The following ZNF684 variants were observed in gnomAD, a reference collection of about 807,000 sequenced individuals.
The protein encoded by ZNF684 is zinc finger protein 684.
In ZNF684, 13 loss-of-function variants were observed where a neutral mutation model predicts 12.8. The observed-to-expected ratio is 1.02, with a 90% CI of 0.66 to 1.62. The LOEUF is 1.62. ZNF684 is among the 40% of genes most tolerant of loss of function. ZNF684 has a pLI of 0.00. For missense variants in ZNF684, 384 were observed against 446.9 expected, an observed-to-expected ratio of 0.86 and a Z score of 1.27; for synonymous variants, 118 against 151.8, an observed-to-expected ratio of 0.78 and a Z score of 1.64.
intron 4 of ZNF684, among the ~76,000 whole-genome samples, chr1:40,543,549 C>T (rs558220989): frequency 3.0e-4 from 45 of 151,810 alleles, no homozygotes; most frequent in Non-Finnish European, 4.3e-4. Context: ...CTCCGCCTCC[C>T]GGGTTCACGC....
At chr1:40,540,050 C>T (rs1489252681) in intron 2 of ZNF684, among the ~76,000 whole-genome samples, 2 of 152,108 alleles carry the variant, frequency 1.3e-5, no homozygotes, top group African/African-American at 2.4e-5. Flanking sequence ...TTCTCCCATT[C>T]TGTGGATTTT....
At chr1:40,539,937 T>G (rs1646005594) in intron 2 of ZNF684, among the ~76,000 whole-genome samples, 1 of 151,686 alleles carries the variant, frequency 6.6e-6, no homozygotes, top group African/African-American at 2.4e-5. Context: ...TGTTGTCTGT[T>G]TATTGTTGAT....
chr1:40,544,704 C>T (rs1290367763), intron 4 of ZNF684: 1 of 154,642 alleles, frequency 6.5e-6, no homozygotes, highest in Admixed American at 6.5e-5. Context: ...TTCTTCAATG[C>T]ACATTAACAT....
intron 2 of ZNF684, among the ~76,000 whole-genome samples, chr1:40,535,874 A>G (rs1238638767): frequency 6.6e-6 from 1 of 152,188 alleles, no homozygotes; most frequent in African/African-American, 2.4e-5. Context: ...CTCTGTGGCA[A>G]CTACTCAACT....
At chr1:40,539,574 G>A (rs941700876) in intron 2 of ZNF684, among the ~76,000 whole-genome samples, 1 of 152,166 alleles carries the variant, frequency 6.6e-6, no homozygotes, top group Non-Finnish European at 1.5e-5. Flanking sequence ...CAGGAGTTGA[G>A]TAACGTACAA....
rs1388025584 is a variant in ZNF684, at chr1:40,540,568, A to G, written c.16-18A>G. ...TAGTGATACACACTTTAGTTTGAAG[A>G]TAAATGTGCTGTTACAGGAATCAGT... On this transcript the variant is annotated intron_variant, in intron 2 of 4. Transcript: ENST00000372699. 6.3e-7 allele frequency: 1 copy of G among 1,576,364 alleles called. No homozygotes were observed. The highest frequency in any genetic ancestry group is 8.6e-7 in the Non-Finnish European group (1 of 1,161,544).
intron 4 of ZNF684, among the ~76,000 whole-genome samples, chr1:40,543,420 G>A (rs1411621057): frequency 6.7e-6 from 1 of 149,432 alleles, no homozygotes; most frequent in Non-Finnish European, 1.5e-5. Flanking sequence ...TTTATTCCAT[G>A]GAAATTGGCC....
chr1:40,541,785 A>G, intron 4 of ZNF684, 75 bp downstream of exon 4: 1 of 1,242,696 alleles, frequency 8.0e-7, no homozygotes, highest in Admixed American at 2.0e-5. Context: ...GGAAGTTCTG[A>G]AATACTCTTA....
chr1:40,543,606 A>G (rs1024500669), intron 4 of ZNF684, among the ~76,000 whole-genome samples: 4 of 151,754 alleles, frequency 2.6e-5, no homozygotes, highest in Non-Finnish European at 4.4e-5. Flanking sequence ...ACAGGTGCCC[A>G]CCACCACACC....
In ZNF684 at chr1:40,540,621, C is replaced by T. The variant is rs1468861974; in HGVS notation, c.51C>T (p.Phe17=). 6.2e-7 allele frequency: 1 copy of T among 1,611,348 alleles called. No individual in the cohort carries two copies. Among genetic ancestry groups the T allele is most frequent in the African/African-American group, 1.3e-5 (1 of 74,724 alleles). Residue 17 remains phenylalanine (F), a synonymous_variant, in exon 3 of 5, where the codon TTC becomes TTT. Transcript: ENST00000372699. The stretch of plus-strand genomic sequence containing the variant: ...CATTCCAGGATGTGGCTGTGGATTT[C>T]ACTGCAGAGGAGTGGCAGCTGCTTG... ...SVTFQDVAVD[F]TAEEWQLLDC...
Position 40,546,556 on chromosome 1 carries a change from T to C in ZNF684, c.239-6T>C, listed in dbSNP as rs1646049642. 1.3e-6 allele frequency: 2 copies of C among 1,531,818 alleles called. No individual in the cohort carries two copies. Among genetic ancestry groups the C allele is most frequent in the East Asian group, 4.6e-5 (2 of 43,936 alleles). 94.9% of individuals were successfully genotyped at this position (1,531,818 alleles called of 1,614,324 possible). On this transcript the variant is annotated splice_polypyrimidine_tract_variant and splice_region_variant and intron_variant, in intron 4 of 4. Transcript: ENST00000372699. ...ACTAGGAATGTTTTGTTGTACTCCTTTTTAGAATCTGACTACCCACTTGTT... is the reference window on the plus strand; with the variant it reads ...ACTAGGAATGTTTTGTTGTACTCCTCTTTAGAATCTGACTACCCACTTGTT...
intron 3 of ZNF684, chr1:40,541,383 CTG>C: frequency 3.2e-6 from 1 of 308,064 alleles, no homozygotes; most frequent in Non-Finnish European, 6.5e-6. Flanking sequence ...CAGGGTCTCA[CTG>C]TGTTAGCCAG....
chr1:40,544,743 ATGAC>A (rs1646034824), intron 4 of ZNF684: 1 of 153,384 alleles, frequency 6.5e-6, no homozygotes, highest in Non-Finnish European at 1.5e-5. Flanking sequence ...AACTGTCAAA[ATGAC>A]AGACAGCAGC....
rs1570104047 is a variant in ZNF684, at chr1:40,533,311, G to GT, written c.15+131dup. 4.5e-5 allele frequency: 42 copies of GT among 938,302 alleles called. No individual in the cohort carries two copies. In the East Asian group the frequency reaches 1.1e-3, roughly 24 times the overall value. The allele number at this position is 938,302 out of a possible 1,614,324, so 58.1% of individuals were successfully genotyped here. On this transcript the variant is annotated intron_variant, in intron 2 of 4. Coordinates refer to ENST00000372699, the MANE Select transcript of ZNF684 (RefSeq NM_152373.4). ...GTCTAAAAGGAAATTTAGAAGATTG[G>GT]TAAGTTGATATTCAAGTCATAGGGT...
intron 4 of ZNF684, among the ~76,000 whole-genome samples, chr1:40,543,797 G>C (rs1410933060): frequency 6.6e-6 from 1 of 152,046 alleles, no homozygotes; most frequent in Non-Finnish European, 1.5e-5. Context: ...TCTGATTCTG[G>C]TCTGTTCCTA....
At position 40,533,100 on chromosome 1, in the gene ZNF684, A is replaced by ATC. The variant is rs1570103848; in HGVS notation, c.-24-40_-24-39dup. 12 of 1,544,712 alleles carry ATC rather than the reference A, an allele frequency of 7.8e-6. No homozygotes were observed. The East Asian group carries it at 2.7e-4, about 35-fold the overall frequency. On this transcript the variant is annotated intron_variant, in intron 1 of 4. Transcript: ENST00000372699. ...GTTCTACTTTGCATGCAGTCCTGGT[A>ATC]TCTCAGGTCTTTCTATTCTCTTCCC...
chr1:40,541,875 C>T (rs992318068), intron 4 of ZNF684, among the ~76,000 whole-genome samples, 165 bp downstream of exon 4: 8 of 152,186 alleles, frequency 5.3e-5, no homozygotes. Context: ...CCCTCATTCT[C>T]CCCACACGTG....
At chr1:40,535,801 C>T (rs966474494) in intron 2 of ZNF684, among the ~76,000 whole-genome samples, 3 of 152,120 alleles carry the variant, frequency 2.0e-5, no homozygotes, top group African/African-American at 7.2e-5. Flanking sequence ...TAAACCCTTC[C>T]TAGTCCTAAC....
In ZNF684 at chr1:40,546,836, G is replaced by T; in HGVS notation, c.513G>T (p.Lys171Asn). The change falls in exon 5 of 5, where the codon AAG becomes AAT. Residue 171 changes from lysine (K) to asparagine (N), a missense_variant. Transcript: ENST00000372699. ...CSECGKAFKK[K>N]FHFIRHEKNH... ...AATGCGGGAAAGCCTTCAAAAAGAAGTTTCATTTCATTAGACATGAAAAAA... is the reference window on the plus strand; with the variant it reads ...AATGCGGGAAAGCCTTCAAAAAGAATTTTCATTTCATTAGACATGAAAAAA... 6.2e-7 allele frequency: 1 copy of T among 1,612,148 alleles called. No homozygotes were observed. Among genetic ancestry groups the T allele is most frequent in the Non-Finnish European group, 8.5e-7 (1 of 1,179,596 alleles).
Sources: gnomAD v4.1 joint callset for allele counts (sites outside exome capture counted in the v4.1 genomes callset) on GRCh38, gnomAD v4.1.1 for gene constraint, MANE v1.5 for transcripts, NCBI Gene and HGNC (gene_info 2026-07-23, HGNC 2026-07-21) for gene names.